CELF1: variants seen among roughly 807,000 people sequenced by gnomAD.
The protein encoded by CELF1 is CUGBP Elav-like family member 1.
A neutral mutation model predicts 61.8 loss-of-function variants in CELF1; 10 were observed. The ratio of observed to expected loss-of-function variants is 0.16; its 90% CI spans 0.10 to 0.27. The LOEUF is 0.27. Ranked by LOEUF, CELF1 falls within the 10% of genes least tolerant of loss-of-function variation. The probability of loss-of-function intolerance (pLI) is 1.00; values close to 1 mark genes in which losing one functional copy is unlikely to be tolerated. For synonymous variants in CELF1, 236 were observed against 225.1 expected, an observed-to-expected ratio of 1.05 and a Z score of -0.43; for missense variants, 380 against 639.1, an observed-to-expected ratio of 0.59 and a Z score of 4.37.
intron 14 of CELF1, 26 bp downstream of exon 14, chr11:47,473,062 C>T: frequency 6.2e-7 from 1 of 1,609,970 alleles, no homozygotes; most frequent in East Asian, 2.2e-5. Context: ...TAATCCCATC[C>T]TGACACCAGA....
chr11:47,494,818 G>C (rs1010387838), intron 3 of CELF1, among the ~76,000 whole-genome samples: 3 of 152,234 alleles, frequency 2.0e-5, no homozygotes, highest in Non-Finnish European at 4.4e-5. Context: ...CTAGCCACAA[G>C]TGGCTATTTA....
At chr11:47,533,959 C>T (rs1011851060) in intron 1 of CELF1, among the ~76,000 whole-genome samples, 1 of 151,248 alleles carries the variant, frequency 6.6e-6, no homozygotes, top group African/African-American at 2.4e-5. Context: ...GTTTCTATGA[C>T]CTATGTATGC....
intron 3 of CELF1, among the ~76,000 whole-genome samples, chr11:47,496,604 G>A (rs924920733): frequency 1.3e-5 from 2 of 152,210 alleles, no homozygotes; most frequent in African/African-American, 4.8e-5. Flanking sequence ...AGGTGTGTGT[G>A]CAGAGATTTC....
chr11:47,547,867 G>A (rs965577751), intron 1 of CELF1, among the ~76,000 whole-genome samples: 2 of 152,058 alleles, frequency 1.3e-5, no homozygotes, highest in South Asian at 4.2e-4. Flanking sequence ...ACCAGAGGCT[G>A]GGGGGAGGGG....
chr11:47,519,350 G>A (rs7118918), intron 1 of CELF1, among the ~76,000 whole-genome samples: 151,487 of 152,236 alleles, frequency 1, 75,377 homozygotes, highest in Middle Eastern at 1. Context: ...GCGTGGAGGC[G>A]GGAACCTGTA....
At chr11:47,534,831 C>T (rs986970782) in intron 1 of CELF1, among the ~76,000 whole-genome samples, 2 of 151,962 alleles carry the variant, frequency 1.3e-5, no homozygotes, top group Non-Finnish European at 2.9e-5. Flanking sequence ...TGTTAAATTA[C>T]GTTTAGGGAG....
At chr11:47,504,902 C>CAAAAAAAAAAAAAAAA (rs374401044) in intron 1 of CELF1, among the ~76,000 whole-genome samples, 2 of 107,932 alleles carry the variant, frequency 1.9e-5, no homozygotes, top group African/African-American at 3.6e-5. Flanking sequence ...ACTCTGTCAC[C>CAAAAAAAAAAAAAAAA]AAAAAAAAAA....
At chr11:47,554,402 A>G (rs76758072), upstream of CELF1, among the ~76,000 whole-genome samples, 17 of 152,256 alleles carry the variant, frequency 1.1e-4, no homozygotes, top group East Asian at 3.1e-3. Context: ...ATATTACCAT[A>G]TATTTGCTGC....
chr11:47,488,784 T>A (rs1320978395), intron 4 of CELF1, 53 bp downstream of exon 4: 2 of 1,348,510 alleles, frequency 1.5e-6, no homozygotes. Flanking sequence ...AGCCCTCACC[T>A]GCTCTGAGAG....
chr11:47,526,616 T>C (rs2096251662), intron 1 of CELF1, among the ~76,000 whole-genome samples: 1 of 152,234 alleles, frequency 6.6e-6, no homozygotes, highest in South Asian at 2.1e-4. Context: ...ATCTGAGACA[T>C]TTCTGCCTAG....
intron 6 of CELF1, among the ~76,000 whole-genome samples, chr11:47,486,004 A>T (rs2153457853): frequency 6.8e-6 from 1 of 146,062 alleles, no homozygotes; most frequent in South Asian, 2.3e-4. Context: ...TACTAAAAAT[A>T]CAAAAAATTA....
chr11:47,480,279 G>A (rs576248441), intron 9 of CELF1, among the ~76,000 whole-genome samples: 2 of 152,218 alleles, frequency 1.3e-5, no homozygotes, highest in South Asian at 4.1e-4. Context: ...TAGAGACGGG[G>A]TTTCACCATG....
At chr11:47,559,071 TATA>T (rs2097218003) in intron 2 of CELF1, among the ~76,000 whole-genome samples, 1 of 142,462 alleles carries the variant, frequency 7.0e-6, no homozygotes, top group South Asian at 2.1e-4. Context: ...TATATAATAA[TATA>T]ATATATAATA....
chr11:47,476,111 C>T (rs1416077669), intron 12 of CELF1, among the ~76,000 whole-genome samples: 5 of 151,848 alleles, frequency 3.3e-5, no homozygotes, highest in African/African-American at 9.7e-5. Context: ...GCAATCCTCC[C>T]GGCCTCAGCC....
chr11:47,508,403 C>T (rs927427461), intron 1 of CELF1, among the ~76,000 whole-genome samples: 1 of 151,952 alleles, frequency 6.6e-6, no homozygotes, highest in Non-Finnish European at 1.5e-5. Flanking sequence ...GTCAGGGAAT[C>T]TCCAAGATAA....
upstream of CELF1, among the ~76,000 whole-genome samples, chr11:47,556,372 C>A (rs1227569320): frequency 6.6e-6 from 1 of 152,078 alleles, no homozygotes; most frequent in Non-Finnish European, 1.5e-5. Flanking sequence ...TTTGTAGAGA[C>A]AGGGGTCTCA....
chr11:47,511,713 T>C (rs2095190180), intron 1 of CELF1, among the ~76,000 whole-genome samples: 2 of 152,142 alleles, frequency 1.3e-5, no homozygotes, highest in South Asian at 4.1e-4. Flanking sequence ...TGAGAAAAGA[T>C]ACAGAGATGA....
rs1179821654 is a variant in CELF1 at position 47,468,395 on chromosome 11, A to G, written c.*3835T>C. ...TCAGCAAAATGTGCTCAGGAGCCTC[A>G]GAGGTTTTAGTGACATCTTTTATTT... On this transcript the variant is annotated 3_prime_UTR_variant, in exon 15 of 15. Transcript: ENST00000687097. 1 of 152,582 alleles carries G rather than the reference A, an allele frequency of 6.6e-6. No homozygotes were observed. Among genetic ancestry groups the G allele is most frequent in the African/African-American group, 2.4e-5 (1 of 41,470 alleles). 9.5% of individuals were successfully genotyped at this position (152,582 alleles called of 1,614,324 possible).
chr11:47,487,135 AT>A (rs2087887338), intron 5 of CELF1, 23 bp downstream of exon 5: 1 of 1,567,328 alleles, frequency 6.4e-7, no homozygotes, highest in Non-Finnish European at 8.7e-7. Context: ...CCACATTTCC[AT>A]TTACTAGTGG....
Sources: allele counts gnomAD v4.1 joint callset (sites outside exome capture counted in the v4.1 genomes callset), GRCh38; gene constraint gnomAD v4.1.1; transcripts MANE v1.5; gene names NCBI Gene and HGNC (gene_info 2026-07-23, HGNC 2026-07-21).